Variants in MCCC1 observed in about 807,000 individuals in gnomAD.
MCCC1 encodes methylcrotonyl-CoA carboxylase subunit 1.
A neutral mutation model predicts 83.8 loss-of-function variants in MCCC1; 64 were observed. That is an observed-to-expected ratio of 0.76 (90% CI 0.62 to 0.94). The LOEUF is 0.94. Among genes scored for constraint, MCCC1 ranks in the 40% least tolerant of loss-of-function variants. The pLI, the probability that MCCC1 is intolerant of heterozygous loss-of-function variation, is 0.00. For missense variants in MCCC1, 807 were observed against 904.7 expected (o/e 0.89, Z 1.39); for synonymous variants, 322 against 315.4 (o/e 1.02, Z -0.22).
At chr3:183,068,448 T>C (rs768025644) in intron 7 of MCCC1, among the ~76,000 whole-genome samples, 12 of 152,164 alleles carry the variant, frequency 7.9e-5, no homozygotes, top group Non-Finnish European at 1.2e-4. Flanking sequence ...CTATATGGTC[T>C]AAAAAGGGGA....
In MCCC1 at chr3:183,099,382, T is replaced by C. The variant is rs751663186; in HGVS notation, c.59A>G (p.His20Arg). ...LLVAAERNRW[H>R]RLPSLLLPPR... is the part of the protein sequence containing the mutation. ...CGGCAGGAGCAGGCTCGGGAGACGA[T>C]GCCACCGGTTCCTCTCCGCCGCCAC... Residue 20 changes from histidine to arginine, a missense_variant, in exon 1 of 19, where the codon CAT (histidine) becomes CGT (arginine). His to Arg is a conservative substitution (Grantham distance 29, BLOSUM62 0). Transcript: ENST00000265594. The C allele has an allele frequency of 1.2e-6, 2 of 1,603,590 alleles. No homozygotes were observed. Among genetic ancestry groups the C allele is most frequent in the Admixed American group, 3.4e-5 (2 of 59,204 alleles).
At chr3:183,086,969 T>C (rs892263832) in intron 3 of MCCC1, among the ~76,000 whole-genome samples, 181 bp from the exon 4 acceptor site, 4 of 152,236 alleles carry the variant, frequency 2.6e-5, no homozygotes, top group African/African-American at 9.6e-5. Flanking sequence ...TAAGCCAGTC[T>C]TAGAATCTTT....
intron 4 of MCCC1, among the ~76,000 whole-genome samples, chr3:183,082,099 C>T (rs1717554284): frequency 1.3e-5 from 2 of 152,228 alleles, no homozygotes; most frequent in South Asian, 2.1e-4. Flanking sequence ...CTACGGCCCC[C>T]CAAGTGTTCT....
At chr3:183,072,920 C>T (rs1022939918) in intron 4 of MCCC1, among the ~76,000 whole-genome samples, 1 of 152,200 alleles carries the variant, frequency 6.6e-6, no homozygotes, top group African/African-American at 2.4e-5. Context: ...CAAAGTACCT[C>T]ATGTAAGTGG....
At chr3:183,045,873 T>C (rs1469979382) in intron 9 of MCCC1, among the ~76,000 whole-genome samples, 1 of 152,200 alleles carries the variant, frequency 6.6e-6, no homozygotes. Context: ...CCTCATACCA[T>C]GACATCCCAT....
chr3:183,104,099 C>T (rs1336432427), upstream of MCCC1, among the ~76,000 whole-genome samples: 3 of 152,198 alleles, frequency 2.0e-5, no homozygotes, highest in African/African-American at 4.8e-5. Context: ...AAGCGCCGCG[C>T]GCAGCCCCGG....
chr3:183,091,173 T>C lies in MCCC1; in HGVS notation c.273+1236A>G, dbSNP rs138273483. 782 of 359,578 alleles carry C rather than the reference T, an allele frequency of 2.2e-3. 2 individuals are homozygous for C. The highest frequency in any genetic ancestry group is 0.016 in the African/African-American group (735 of 46,628). The allele number at this position is 359,578 out of a possible 1,614,324, so 22.3% of individuals were successfully genotyped here. On this transcript the variant is annotated intron_variant, in intron 3 of 18. Transcript: ENST00000265594. Reference sequence around the variant, plus strand: ...ACAGTGATAAAAGCCCAGGTGAGGCTGCTCATCATGAATTGATGCTAGTGC... The same window carrying C: ...ACAGTGATAAAAGCCCAGGTGAGGCCGCTCATCATGAATTGATGCTAGTGC...
intron 4 of MCCC1, among the ~76,000 whole-genome samples, chr3:183,079,608 T>C (rs947787008): frequency 6.6e-6 from 1 of 152,156 alleles, no homozygotes; most frequent in Non-Finnish European, 1.5e-5. Context: ...TCCAGGTACA[T>C]GGTGCAAGCT....
chr3:183,032,829 G>A (rs1225120950), intron 14 of MCCC1, among the ~76,000 whole-genome samples: 4 of 151,080 alleles, frequency 2.6e-5, no homozygotes, highest in South Asian at 4.2e-4. Flanking sequence ...AGCCAAGATC[G>A]TGCCACTGCA....
chr3:183,045,552 A>G lies in MCCC1; in HGVS notation c.956-12T>C. The G allele has an allele frequency of 6.2e-7, 1 of 1,613,486 alleles. No individual in the cohort carries two copies. The highest frequency in any genetic ancestry group is 2.2e-5 in the East Asian group (1 of 44,862). On this transcript the variant is annotated splice_polypyrimidine_tract_variant and intron_variant, in intron 9 of 18. Coordinates refer to ENST00000265594, the MANE Select transcript of MCCC1 (RefSeq NM_020166.5). ...AAACTCCACAGTCCCTAAAAGGTAA[A>G]AAACAATGGTCATATTCAATAGTGT...
intron 1 of MCCC1, among the ~76,000 whole-genome samples, chr3:183,113,724 T>A (rs1032134920): frequency 6.6e-5 from 10 of 151,502 alleles, no homozygotes; most frequent in African/African-American, 7.3e-5. Context: ...AAAAAAAATT[T>A]AAAAAAAGGG....
rs1380540927 is a variant in MCCC1, at chr3:183,064,369, G to A, written c.761+6630C>T. 1.3e-5 allele frequency among the ~76,000 whole-genome samples: 2 copies of A among 152,054 alleles called. No homozygotes were observed. Among genetic ancestry groups the A allele is most frequent in the Non-Finnish European group, 2.9e-5 (2 of 68,010 alleles). On this transcript the variant is annotated intron_variant, in intron 7 of 18. Coordinates refer to ENST00000265594, the MANE Select transcript of MCCC1 (RefSeq NM_020166.5). The surrounding 1 kb of genome is among the most constrained non-coding windows in gnomAD (Gnocchi z 4.5). ...TCATTGTTTTTAGTTGGTAGACATC[G>A]ACAAGTAGGAAAATTTGCGAGGTCC...
intron 1 of MCCC1, among the ~76,000 whole-genome samples, chr3:183,095,175 C>T (rs1181658145): frequency 5.3e-5 from 8 of 151,586 alleles, no homozygotes; most frequent in Non-Finnish European, 8.8e-5. Context: ...CCCAGCTACT[C>T]GGGAGGCTGA....
chr3:183,052,477 G>C (rs1489069617), intron 8 of MCCC1, among the ~76,000 whole-genome samples: 1 of 152,124 alleles, frequency 6.6e-6, no homozygotes, highest in Non-Finnish European at 1.5e-5. Flanking sequence ...TGGTGAGGCT[G>C]GTGTCAACAA....
intron 16 of MCCC1, among the ~76,000 whole-genome samples, chr3:183,020,739 G>A (rs1430387652): frequency 2.6e-5 from 4 of 152,002 alleles, no homozygotes; most frequent in African/African-American, 9.7e-5. Flanking sequence ...TTGTAAAGGC[G>A]TAACGGTATA....
chr3:183,090,952 G>A (rs745407862), intron 3 of MCCC1: 1 of 456,084 alleles, frequency 2.2e-6, no homozygotes. Context: ...TGGGAAAGAT[G>A]GATGCAGACA....
chr3:183,015,477 C>T lies in MCCC1; in HGVS notation c.2139G>A (p.Glu713=). 1 of 1,614,166 alleles carries T rather than the reference C, an allele frequency of 6.2e-7. No individual in the cohort carries two copies. The highest frequency in any genetic ancestry group is 8.5e-7 in the Non-Finnish European group (1 of 1,180,026). The stretch of plus-strand genomic sequence containing the variant: ...TTTTGTCTGATTCTTCCTCCTCAAA[C>T]TCGACTAAAGGAGTGTGTCTGTTGG... The part of the protein sequence containing the change: ...AQANRHTPLV[E]FEEEESDKRE... The change falls in exon 19 of 19, where the codon GAG becomes GAA. Residue 713 remains glutamate, a synonymous_variant. Coordinates refer to ENST00000265594, the MANE Select transcript of MCCC1 (RefSeq NM_020166.5).
At chr3:183,099,143 T>C in intron 1 of MCCC1, 2 of 616,160 alleles carry the variant, frequency 3.2e-6, no homozygotes, top group East Asian at 5.5e-5. Flanking sequence ...AGCGTGGATG[T>C]GCGGAAGCGG....
At chr3:183,044,165 A>T (rs756957815) in intron 10 of MCCC1, among the ~76,000 whole-genome samples, 1 of 152,232 alleles carries the variant, frequency 6.6e-6, no homozygotes, top group Non-Finnish European at 1.5e-5. Context: ...AGGAAAAAAC[A>T]ATTTAGATGC....
Sources: allele counts gnomAD v4.1 joint callset (sites outside exome capture counted in the v4.1 genomes callset), GRCh38; gene constraint gnomAD v4.1.1; non-coding constraint Gnocchi (gnomAD v3.1); transcripts MANE v1.5; gene names NCBI Gene and HGNC (gene_info 2026-07-23, HGNC 2026-07-21).